RET: variants seen among roughly 807,000 people sequenced by gnomAD.
The protein encoded by RET is proto-oncogene tyrosine-protein kinase receptor Ret.
A neutral mutation model predicts 118.3 loss-of-function variants in RET; 19 were observed. The ratio of observed to expected loss-of-function variants is 0.16; its 90% confidence interval spans 0.11 to 0.24. The LOEUF (loss-of-function observed/expected upper bound fraction) is 0.24. Among genes scored for constraint, RET ranks in the 10% least tolerant of loss-of-function variants. RET has a pLI of 1.00. For synonymous variants in RET, 597 were observed against 644.1 expected, an observed-to-expected ratio of 0.93 and a Z score of 1.11; for missense variants, 1,219 against 1,502.1, an observed-to-expected ratio of 0.81 and a Z score of 3.12.
intron 1 of RET, among the ~76,000 whole-genome samples, chr10:43,097,167 G>T (rs11239883): frequency 2.6e-5 from 4 of 152,106 alleles, no homozygotes; most frequent in African/African-American, 9.6e-5. Context: ...TGGGGGCTTT[G>T]GGAAGCCCAG....
Position 43,128,363 on chromosome 10 carries a change from C to G in RET, c.*94C>G. The G allele has an allele frequency of 4.8e-6, 7 of 1,473,318 alleles. No homozygotes were observed. Among genetic ancestry groups the G allele is most frequent in the Non-Finnish European group, 6.6e-6 (7 of 1,056,900 alleles). 91.3% of individuals were successfully genotyped at this position (1,473,318 alleles called of 1,614,324 possible). On this transcript the variant is annotated 3_prime_UTR_variant, in exon 20 of 20. Coordinates refer to ENST00000355710, the MANE Select transcript of RET (RefSeq NM_020975.6). ...CCTTTCTTTGTGAACGTCACATTGGCCGAGCCGTGTTCAGTTCCCAGGTGG... is the reference window on the plus strand; with the variant it reads ...CCTTTCTTTGTGAACGTCACATTGGGCGAGCCGTGTTCAGTTCCCAGGTGG...
chr10:43,120,488 C>T (rs1249590581), intron 15 of RET, among the ~76,000 whole-genome samples: 4 of 152,226 alleles, frequency 2.6e-5, no homozygotes, highest in Non-Finnish European at 4.4e-5. Flanking sequence ...CCTCATGCTG[C>T]GGAACTAACA....
chr10:43,119,389 G>GTGCT, intron 13 of RET, 142 bp from the exon 14 acceptor site: 1 of 663,478 alleles, frequency 1.5e-6, no homozygotes, highest in South Asian at 1.8e-5. Flanking sequence ...AGCTGCAGCA[G>GTGCT]TGCTGCCTGA....
Position 43,106,595 on chromosome 10 carries a change from C to T in RET, c.1063+24C>T. ...TAGTAAGAGGGGCTGGTGGCACGGC[C>T]TGGCTAGGCCCCCAGGAAATGAGGT... On this transcript the variant is annotated intron_variant, in intron 5 of 19. Transcript: ENST00000355710. This position sits in a 1 kb window ranked among gnomAD's most constrained non-coding sequence, Gnocchi z 5.1. 1 of 1,609,314 alleles carries T rather than the reference C, an allele frequency of 6.2e-7. No individual in the cohort carries two copies. Among genetic ancestry groups the T allele is most frequent in the Non-Finnish European group, 8.5e-7 (1 of 1,177,572 alleles).
intron 2 of RET, among the ~76,000 whole-genome samples, chr10:43,101,692 A>G (rs1039854347): frequency 3.3e-5 from 5 of 152,234 alleles, no homozygotes; most frequent in African/African-American, 1.2e-4. Context: ...GAGAGGCTTC[A>G]TGCACAGCCA....
chr10:43,100,894 A>G (rs540784965), intron 2 of RET, among the ~76,000 whole-genome samples, 172 bp downstream of exon 2: 1 of 152,306 alleles, frequency 6.6e-6, no homozygotes, highest in South Asian at 2.1e-4. Context: ...CCTGGAGAGA[A>G]GCCAGGACAA....
In RET at chr10:43,114,802, C is replaced by G. The variant is rs2132857198; in HGVS notation, c.2136+66C>G. 6.6e-7 allele frequency: 1 copy of G among 1,514,080 alleles called. No individual in the cohort carries two copies. The highest frequency in any genetic ancestry group is 2.4e-5 in the East Asian group (1 of 41,134). The allele number at this position is 1,514,080 out of a possible 1,614,324, so 93.8% of individuals were successfully genotyped here. ...CCAGCTGCCTTCCAGGGAGGGAGGC[C>G]AGCTGGGGAGACAGAGGCCATCCTG... On this transcript the variant is annotated intron_variant, in intron 11 of 19. Transcript: ENST00000355710. This position sits in a 1 kb window ranked among gnomAD's most constrained non-coding sequence, Gnocchi z 4.6.
In RET at chr10:43,077,301, T is replaced by TTGCTGCTGC. The variant is rs768132465; in HGVS notation, c.50_58dup (p.Leu17_Leu19dup). On this transcript the variant is annotated inframe_insertion, in exon 1 of 20. Transcript: ENST00000355710. ...CGGTGCCGCGGGGCTGCGTCTGCTGTTGCTGCTGCTGCTGCCGCTGCTAGG... is the reference window on the plus strand; with the variant it reads ...CGGTGCCGCGGGGCTGCGTCTGCTGTTGCTGCTGCTGCTGCTGCTGCTGCCGCTGCTAGG... 28 of 1,511,644 alleles carry TTGCTGCTGC rather than the reference T, an allele frequency of 1.9e-5. No homozygotes were observed. The Admixed American group carries it at 4.7e-4, about 25-fold the overall frequency. 93.6% of individuals were successfully genotyped at this position (1,511,644 alleles called of 1,614,324 possible). A position where few individuals can be genotyped will look rare whatever the true frequency, so the allele number is the denominator to read the frequency against.
rs1170005653 is a variant in RET, at chr10:43,129,411, TTCCTGTGTTTGTAA to T, written c.*1144_*1157del. ...GTGTGAAAGGCCCATGGATCAGCTC[TTCCTGTGTTTGTAA>T]TTTAATGCTGCTACAAGATGTTTCT... On this transcript the variant is annotated 3_prime_UTR_variant, in exon 20 of 20. Coordinates refer to ENST00000355710, the MANE Select transcript of RET (RefSeq NM_020975.6). 4.3e-6 allele frequency: 1 copy of T among 233,674 alleles called. No homozygotes were observed. 14.5% of individuals were successfully genotyped at this position (233,674 alleles called of 1,614,324 possible).
chr10:43,079,069 A>AG (rs1837119582), intron 1 of RET, among the ~76,000 whole-genome samples: 1 of 152,164 alleles, frequency 6.6e-6, no homozygotes. Flanking sequence ...AACCACCCCA[A>AG]GGGGACAGCT....
chr10:43,079,554 T>C (rs1837131986), intron 1 of RET, among the ~76,000 whole-genome samples: 1 of 152,188 alleles, frequency 6.6e-6, no homozygotes, highest in Non-Finnish European at 1.5e-5. Context: ...CTTCTGGGGT[T>C]CCCCCCAGGT....
intron 4 of RET, among the ~76,000 whole-genome samples, chr10:43,105,483 G>A (rs1351636333): frequency 1.3e-5 from 2 of 152,146 alleles, no homozygotes; most frequent in Non-Finnish European, 2.9e-5. Context: ...CTGCCCGGGC[G>A]GGGAGCATCT....
chr10:43,102,868 G>A, intron 3 of RET: 1 of 595,646 alleles, frequency 1.7e-6, no homozygotes, highest in Non-Finnish European at 3.0e-6. Flanking sequence ...TTCTTGTGGG[G>A]CAGACAGAGC....
chr10:43,078,028 A>G (rs1316193058), intron 1 of RET, among the ~76,000 whole-genome samples: 1 of 152,212 alleles, frequency 6.6e-6, no homozygotes, highest in Admixed American at 6.5e-5. Flanking sequence ...TAGGAGGCCC[A>G]GGGCTTGGGG....
chr10:43,114,770 G>GC lies in RET; in HGVS notation c.2136+37dup. Reference sequence around the variant, plus strand: ...CCCTGCGGGGCAGGGAAGATCCCCTGCCCTCCCCAGCTGCCTTCCAGGGAG... The same window carrying GC: ...CCCTGCGGGGCAGGGAAGATCCCCTGCCCCTCCCCAGCTGCCTTCCAGGGAG... On this transcript the variant is annotated intron_variant, in intron 11 of 19. Coordinates refer to ENST00000355710, the MANE Select transcript of RET (RefSeq NM_020975.6). This position sits in a 1 kb window ranked among gnomAD's most constrained non-coding sequence, Gnocchi z 4.6. 6.3e-7 allele frequency: 1 copy of GC among 1,578,536 alleles called. No homozygotes were observed. The highest frequency in any genetic ancestry group is 1.1e-5 in the South Asian group (1 of 88,526).
chr10:43,107,626 CTG>C (rs1249953109), intron 5 of RET, among the ~76,000 whole-genome samples: 81 of 151,910 alleles, frequency 5.3e-4, no homozygotes, highest in African/African-American at 1.9e-3. Context: ...AAACGAAACT[CTG>C]TAAAACATTT....
chr10:43,123,516 C>T (rs907854569), intron 16 of RET, among the ~76,000 whole-genome samples, 155 bp from the exon 17 acceptor site: 4 of 152,158 alleles, frequency 2.6e-5, no homozygotes, highest in African/African-American at 9.7e-5. Context: ...CTACATCCAT[C>T]TGAGCAGCCA....
At chr10:43,104,055 CAGGGCACGG>C (rs1287122679) in intron 3 of RET, among the ~76,000 whole-genome samples, 1 of 152,220 alleles carries the variant, frequency 6.6e-6, no homozygotes, top group Non-Finnish European at 1.5e-5. Context: ...AGCTGCCATG[CAGGGCACGG>C]AGCATTCGCT....
intron 3 of RET, chr10:43,104,722 G>T (rs1837718372): frequency 1.5e-6 from 1 of 656,328 alleles, no homozygotes; most frequent in African/African-American, 1.8e-5. Flanking sequence ...AGCTGCAGCA[G>T]GACGTAAGCA....
Sources: allele counts gnomAD v4.1 joint callset (sites outside exome capture counted in the v4.1 genomes callset), GRCh38; gene constraint gnomAD v4.1.1; non-coding constraint Gnocchi (gnomAD v3.1); transcripts MANE v1.5; gene names NCBI Gene and HGNC (gene_info 2026-07-23, HGNC 2026-07-21).